The following LSM5 variants were observed in gnomAD, a reference collection of about 807,000 sequenced individuals.
The protein encoded by LSM5 is U6 snRNA-associated Sm-like protein LSm5.
Under a neutral mutation model 13.8 loss-of-function variants are expected in LSM5, and 8 were observed. The observed-to-expected ratio is 0.58, with a 90% CI of 0.34 to 1.04. LSM5 has a LOEUF of 1.04. LSM5 is among the 50% of genes least tolerant of loss of function. The pLI is 0.03. For missense variants in LSM5, 80 were observed against 108.1 expected, an observed-to-expected ratio of 0.74 and a Z score of 1.15; for synonymous variants, 35 against 37.0, an observed-to-expected ratio of 0.95 and a Z score of 0.20.
At chr7:32,487,553 A>AC in intron 4 of LSM5, 132 bp downstream of exon 4, 1 of 697,590 alleles carries the variant, frequency 1.4e-6, no homozygotes, top group Non-Finnish European at 2.6e-6. Flanking sequence ...ACCACAGAGA[A>AC]CCCCTTTCCC....
At position 32,488,719 on chromosome 7, in the gene LSM5, TTTTTTG is replaced by T. The variant is rs756318825; in HGVS notation, c.143-73_143-68del. 5.0e-5 allele frequency: 59 copies of T among 1,174,752 alleles called. No homozygotes were observed. In the Middle Eastern group the frequency reaches 5.8e-4, roughly 12 times the overall value. The allele number at this position is 1,174,752 out of a possible 1,614,324, so 72.8% of individuals were successfully genotyped here. On this transcript the variant is annotated intron_variant, in intron 2 of 4. Coordinates refer to ENST00000450169, the MANE Select transcript of LSM5 (RefSeq NM_012322.3). ...AGCTTCTGCCTTTGTTCAGCTTTTG[TTTTTTG>T]TTTTTGTTTTTGTTTTGAGACAAAG...
At chr7:32,489,965 A>G (rs1352302760) in intron 1 of LSM5, 2 of 1,166,642 alleles carry the variant, frequency 1.7e-6, no homozygotes, top group African/African-American at 1.6e-5. Flanking sequence ...AACCACATAC[A>G]TAACATGGTC....
upstream of LSM5, among the ~76,000 whole-genome samples, chr7:32,494,154 G>A (rs1786668301): frequency 6.6e-6 from 1 of 152,184 alleles, no homozygotes; most frequent in Non-Finnish European, 1.5e-5. Flanking sequence ...ATCTTTAAAA[G>A]GTGTTCAATT....
At chr7:32,490,504 A>G, upstream of LSM5, 1 of 674,508 alleles carries the variant, frequency 1.5e-6, no homozygotes, top group Non-Finnish European at 2.7e-6. Context: ...GGTCGCGTTC[A>G]CTGGCTTTTT....
At chr7:32,489,103 C>A in intron 2 of LSM5, 146 bp downstream of exon 2, 1 of 574,410 alleles carries the variant, frequency 1.7e-6, no homozygotes, top group Non-Finnish European at 3.1e-6. Flanking sequence ...TACCGTCTTT[C>A]AATACATACC....
In LSM5 at chr7:32,485,966, A is replaced by T. The variant is rs1384415197; in HGVS notation, c.*1295T>A. On this transcript the variant is annotated 3_prime_UTR_variant, in exon 5 of 5. Transcript: ENST00000450169. ...CCAAAAAAAAAAAAAAAAAAAAAAA[A>T]AGGAAAAGAAAACTTTAGACATGCC... 7.1e-6 allele frequency: 1 copy of T among 140,274 alleles called. No homozygotes were observed. The highest frequency in any genetic ancestry group is 2.2e-4 in the East Asian group (1 of 4,650). The allele number at this position is 140,274 out of a possible 1,614,324, so 8.7% of individuals were successfully genotyped here.
In LSM5 at chr7:32,485,643, G is replaced by A. The variant is rs1240853376; in HGVS notation, c.*1618C>T. The A allele has an allele frequency of 6.6e-6, 1 of 152,194 alleles. No individual in the cohort carries two copies. The highest frequency in any genetic ancestry group is 1.5e-5 in the Non-Finnish European group (1 of 68,046). 9.4% of individuals were successfully genotyped at this position (152,194 alleles called of 1,614,324 possible). ...ATTAATCAAGAAAATTTTAGGCCAGGCCTGGTGGCTCATGCCTTTAATACC... is the reference window on the plus strand; with the variant it reads ...ATTAATCAAGAAAATTTTAGGCCAGACCTGGTGGCTCATGCCTTTAATACC... On this transcript the variant is annotated 3_prime_UTR_variant, in exon 5 of 5. Coordinates refer to ENST00000450169, the MANE Select transcript of LSM5 (RefSeq NM_012322.3).
chr7:32,494,865 G>A (rs1047284600), upstream of LSM5: 10 of 152,052 alleles, frequency 6.6e-5, no homozygotes, highest in African/African-American at 2.2e-4. Flanking sequence ...TTCTGTTTCA[G>A]GTTTTAAATG....
chr7:32,490,210 G>A (rs1397182654), intron 1 of LSM5, 110 bp downstream of exon 1: 3 of 1,598,898 alleles, frequency 1.9e-6, no homozygotes, highest in Admixed American at 1.7e-5. Flanking sequence ...AACCGCATTT[G>A]GTCTTATACA....
chr7:32,489,399 T>G (rs1786521061), intron 1 of LSM5, 55 bp from the exon 2 acceptor site: 2 of 971,750 alleles, frequency 2.1e-6, no homozygotes, highest in Admixed American at 1.9e-5. Flanking sequence ...AATATTTGAG[T>G]GCCTACTGGC....
chr7:32,490,939 G>A (rs1442058622), upstream of LSM5: 1 of 153,972 alleles, frequency 6.5e-6, no homozygotes, highest in Non-Finnish European at 1.4e-5. Flanking sequence ...ATTTATTATA[G>A]GCTTTTAAAT....
At position 32,490,349 on chromosome 7, in the gene LSM5, G is replaced by A. The variant is rs1444608694; in HGVS notation, c.17C>T (p.Thr6Ile). 6.2e-7 allele frequency: 1 copy of A among 1,614,134 alleles called. No homozygotes were observed. The highest frequency in any genetic ancestry group is 8.5e-7 in the Non-Finnish European group (1 of 1,179,962). ...GGGCAGCAGCTGCGACGGGTTGGTA[G>A]TAGCGTTAGCCGCCATGGCTACGCC... MAANA[T>I]TNPSQLLPLE... Residue 6 changes from threonine (T) to isoleucine (I), a missense_variant, in exon 1 of 5, where the codon ACT becomes ATT. Physicochemically the swap from Thr to Ile is moderately conservative, Grantham distance 89. Coordinates refer to ENST00000450169, the MANE Select transcript of LSM5 (RefSeq NM_012322.3).
In LSM5 at chr7:32,487,212, T is replaced by C. The variant is rs372156824; in HGVS notation, c.*49A>G. 7 of 1,559,538 alleles carry C rather than the reference T, an allele frequency of 4.5e-6. No individual in the cohort carries two copies. The South Asian group carries it at 7.9e-5, about 18-fold the overall frequency. On this transcript the variant is annotated 3_prime_UTR_variant, in exon 5 of 5. Transcript: ENST00000450169. The stretch of plus-strand genomic sequence containing the variant: ...AAGTGGGAAAAAAAATTCCATTTTC[T>C]TGTCATTATAAGCCAAAACAAAATC...
upstream of LSM5, among the ~76,000 whole-genome samples, chr7:32,493,206 G>C (rs764974040): frequency 1.3e-5 from 2 of 152,198 alleles, no homozygotes; most frequent in Non-Finnish European, 1.5e-5. Flanking sequence ...GTGTGCTCGC[G>C]GACTCAAGCA....
rs1338957651 is a variant in LSM5, at chr7:32,487,028, A to AT, written c.*232dup. The AT allele has an allele frequency of 1.3e-5, 7 of 559,594 alleles. No individual in the cohort carries two copies. The highest frequency in any genetic ancestry group is 1.9e-5 in the African/African-American group (1 of 52,030). The allele number at this position is 559,594 out of a possible 1,614,324, so 34.7% of individuals were successfully genotyped here. ...TGGCTACTGCAGTAGAATAAACAAA[A>AT]TGACAGTTAACCAAAAACACCTTTA... is the stretch of plus-strand genomic sequence containing the variant. On this transcript the variant is annotated 3_prime_UTR_variant, in exon 5 of 5. Coordinates refer to ENST00000450169, the MANE Select transcript of LSM5 (RefSeq NM_012322.3).
chr7:32,492,730 A>G (rs1786622111), upstream of LSM5, among the ~76,000 whole-genome samples: 1 of 152,210 alleles, frequency 6.6e-6, no homozygotes, highest in African/African-American at 2.4e-5. Context: ...CCAATTCCAA[A>G]TGGAGAGTTG....
At chr7:32,490,867 T>C (rs771059432), upstream of LSM5, 15 of 168,294 alleles carry the variant, frequency 8.9e-5, no homozygotes, top group Non-Finnish European at 1.2e-4. Flanking sequence ...ATTTAAGATA[T>C]GTTTTTTAAA....
At chr7:32,487,831 C>G (rs1292151026) in intron 3 of LSM5, 74 bp from the exon 4 acceptor site, 5 of 781,546 alleles carry the variant, frequency 6.4e-6, no homozygotes, top group Non-Finnish European at 1.1e-5. Flanking sequence ...TACTTACCCT[C>G]CCTAAAAAGG....
upstream of LSM5, among the ~76,000 whole-genome samples, chr7:32,493,290 T>C (rs1017617025): frequency 3.9e-5 from 6 of 152,132 alleles, no homozygotes; most frequent in South Asian, 1.2e-3. Context: ...TTATTTTTTA[T>C]TATTTTTTGT....
Sources: allele counts gnomAD v4.1 joint callset (sites outside exome capture counted in the v4.1 genomes callset), GRCh38; gene constraint gnomAD v4.1.1; transcripts MANE v1.5; gene names NCBI Gene and HGNC (gene_info 2026-07-23, HGNC 2026-07-21).